PFKP: variants seen among roughly 807,000 people sequenced by gnomAD.
PFKP encodes phosphofructokinase, platelet.
In PFKP, 101 loss-of-function variants were observed where a neutral mutation model predicts 94.3. The observed-to-expected ratio is 1.07, with a 90% CI of 0.91 to 1.26. PFKP has a LOEUF of 1.26. PFKP is among the 50% of genes most tolerant of loss of function. PFKP has a pLI of 0.00. For missense variants in PFKP, 1,145 were observed against 1,103.3 expected (o/e 1.04, Z -0.53); for synonymous variants, 573 against 432.6 (o/e 1.32, Z -4.03).
At chr10:3,088,788 T>C (rs1006584537) in intron 2 of PFKP, among the ~76,000 whole-genome samples, 6 of 151,458 alleles carry the variant, frequency 4.0e-5, no homozygotes, top group African/African-American at 1.5e-4. Flanking sequence ...AGAAATATAG[T>C]CTTCTTCCCT....
chr10:3,135,945 T>A (rs1189495332), intron 21 of PFKP, 107 bp downstream of exon 21: 3 of 708,602 alleles, frequency 4.2e-6, no homozygotes, highest in Non-Finnish European at 7.5e-6. Flanking sequence ...TTTGAGGAAC[T>A]GGCTTTTCTG....
At chr10:3,121,665 AAC>A (rs1837419706) in intron 16 of PFKP, among the ~76,000 whole-genome samples, 1 of 151,468 alleles carries the variant, frequency 6.6e-6, no homozygotes. Flanking sequence ...GTGGGGCAAA[AAC>A]ACCCCACAAA....
chr10:3,136,333 T>C (rs41314623), intron 21 of PFKP, 117 bp from the exon 22 acceptor site: 139,296 of 1,005,670 alleles, frequency 0.14, 10,123 homozygotes, highest in Non-Finnish European at 0.15. Context: ...ATCTAGTTGA[T>C]TCAGCCGACC....
intron 20 of PFKP, 115 bp from the exon 21 acceptor site, chr10:3,135,621 G>A: frequency 1.5e-6 from 1 of 657,228 alleles, no homozygotes; most frequent in African/African-American, 1.8e-5. Context: ...TGGGCTTCCA[G>A]GCCGGGTTCA....
rs577507303 is a variant in PFKP, at chr10:3,103,012, C to T, written c.455-767C>T. ...TCCGATTCCCTTTATGCAGAACTGC[C>T]CAGCCCAGGTCTGTCCTGAGTGCGA... is the stretch of plus-strand genomic sequence containing the variant. On this transcript the variant is annotated intron_variant, in intron 4 of 21. Coordinates refer to ENST00000381125, the MANE Select transcript of PFKP (RefSeq NM_002627.5). Among the ~76,000 whole-genome samples the T allele has an allele frequency of 6.6e-5, 10 of 152,324 alleles. No individual in the cohort carries two copies. In the East Asian group the frequency reaches 1.9e-3, roughly 29 times the overall value.
At chr10:3,101,137 C>T in intron 3 of PFKP, 1 of 789,672 alleles carries the variant, frequency 1.3e-6, no homozygotes, top group Non-Finnish European at 2.1e-6. Flanking sequence ...GGCTCTGCAC[C>T]CTCCCTGGCT....
intron 19 of PFKP, 86 bp from the exon 20 acceptor site, chr10:3,134,397 T>C: frequency 1.2e-6 from 1 of 825,682 alleles, no homozygotes. Flanking sequence ...AAAACATGAA[T>C]TCTGCAAAAT....
intron 13 of PFKP, among the ~76,000 whole-genome samples, chr10:3,114,692 G>T (rs1378116725): frequency 1.3e-5 from 2 of 152,194 alleles, no homozygotes; most frequent in Non-Finnish European, 2.9e-5. Context: ...GGCCCTCAGG[G>T]GACACTCATC....
intron 16 of PFKP, among the ~76,000 whole-genome samples, chr10:3,123,526 C>T (rs1233578454): frequency 6.6e-6 from 1 of 152,168 alleles, no homozygotes; most frequent in Non-Finnish European, 1.5e-5. Context: ...CCGAGACCCC[C>T]ACCTGCCCTC....
At chr10:3,074,362 A>T (rs2131380974) in intron 1 of PFKP, among the ~76,000 whole-genome samples, 1 of 152,288 alleles carries the variant, frequency 6.6e-6, no homozygotes, top group South Asian at 2.1e-4. Context: ...CTGACCTGAC[A>T]GTGAGGGAGG....
At chr10:3,074,271 C>A (rs556271608) in intron 1 of PFKP, among the ~76,000 whole-genome samples, 1 of 152,316 alleles carries the variant, frequency 6.6e-6, no homozygotes, top group African/African-American at 2.4e-5. Flanking sequence ...GCGGGTACGA[C>A]GTGCCTGTAG....
intron 2 of PFKP, among the ~76,000 whole-genome samples, chr10:3,099,020 T>C (rs1250197538): frequency 6.6e-6 from 1 of 152,124 alleles, no homozygotes; most frequent in African/African-American, 2.4e-5. Context: ...CGCTGGGCCA[T>C]AGGAGAATGG....
rs369866022 is a variant in PFKP at position 3,135,771 on chromosome 10, C to T, written c.2158C>T (p.Leu720=). The T allele has an allele frequency of 1.4e-4, 218 of 1,612,928 alleles. No homozygotes were observed. The highest frequency in any genetic ancestry group is 1.0e-3 in the Admixed American group (60 of 59,958). Residue 720 remains leucine (L), a synonymous_variant, in exon 21 of 22, where the codon CTG becomes TTG. Coordinates refer to ENST00000381125, the MANE Select transcript of PFKP (RefSeq NM_002627.5). ...KFTTDDSICV[L]GISKRNVIFQ... is the part of the protein sequence containing the mutation. Reference sequence around the variant, plus strand: ...TACCACCGATGATTCCATTTGTGTGCTGGGAATAAGCAAAAGAAACGTTAT... The same window carrying T: ...TACCACCGATGATTCCATTTGTGTGTTGGGAATAAGCAAAAGAAACGTTAT...
chr10:3,125,790 C>T (rs1010983019), intron 16 of PFKP, among the ~76,000 whole-genome samples: 4 of 152,196 alleles, frequency 2.6e-5, no homozygotes, highest in Admixed American at 2.0e-4. Flanking sequence ...TGCTGACACC[C>T]ACATGGTGGC....
Position 3,118,833 on chromosome 10 carries a change from C to G in PFKP, c.1494C>G (p.His498Gln), listed in dbSNP as rs780147236. The G allele has an allele frequency of 1.2e-6, 2 of 1,613,658 alleles. No homozygotes were observed. Among genetic ancestry groups the G allele is most frequent in the African/African-American group, 2.7e-5 (2 of 74,954 alleles). The change falls in exon 15 of 22, where the codon CAC becomes CAG. Residue 498 changes from histidine (H) to glutamine (Q), a missense_variant. Transcript: ENST00000381125. ...AGATCGCCACACAGATGCGCACGCA[C>G]AGCATCAACGCGCTGCTGATCATCG... is the stretch of plus-strand genomic sequence containing the variant. Reference protein sequence around the residue: ...LEEIATQMRTHSINALLIIGG... With the variant: ...LEEIATQMRTQSINALLIIGG...
rs1284542353 is a variant in PFKP at position 3,136,791 on chromosome 10, C to G, written c.*212C>G. 3 of 473,506 alleles carry G rather than the reference C, an allele frequency of 6.3e-6. No individual in the cohort carries two copies. The highest frequency in any genetic ancestry group is 5.9e-5 in the African/African-American group (3 of 50,658). The allele number at this position is 473,506 out of a possible 1,614,324, so 29.3% of individuals were successfully genotyped here. A position where few individuals can be genotyped will look rare whatever the true frequency, so the allele number is the denominator to read the frequency against. ...TGAGCAGAATTAATTAAACATTTGC[C>G]TATGACTCCAACAGTCCTCTGTTTT... On this transcript the variant is annotated 3_prime_UTR_variant, in exon 22 of 22. Transcript: ENST00000381125.
intron 10 of PFKP, among the ~76,000 whole-genome samples, chr10:3,110,365 ATTTT>A (rs57980780): frequency 5.4e-5 from 5 of 92,580 alleles, no homozygotes; most frequent in African/African-American, 1.2e-4. Flanking sequence ...CGCCTGGCTA[ATTTT>A]TTTTTTTTTT....
rs148444419 is a variant in PFKP, at chr10:3,097,212, T to A, written c.187-2063T>A. Among the ~76,000 whole-genome samples the A allele has an allele frequency of 5.6e-4, 85 of 151,992 alleles. No individual in the cohort carries two copies. In the East Asian group the frequency reaches 0.015, roughly 26 times the overall value. On this transcript the variant is annotated intron_variant, in intron 2 of 21. Transcript: ENST00000381125. ...CCTACCTATTGTACTTACAATATTCTGAGGATTATGGCCTCCAAGAGTCAT... is the reference window on the plus strand; with the variant it reads ...CCTACCTATTGTACTTACAATATTCAGAGGATTATGGCCTCCAAGAGTCAT...
At chr10:3,086,459 C>T (rs1256051072) in intron 2 of PFKP, among the ~76,000 whole-genome samples, 6 of 152,210 alleles carry the variant, frequency 3.9e-5, no homozygotes, top group Admixed American at 1.3e-4. Context: ...GAGTGATTTA[C>T]CCCCTTAGGA....
Sources: allele counts gnomAD v4.1 joint callset (sites outside exome capture counted in the v4.1 genomes callset), GRCh38; gene constraint gnomAD v4.1.1; transcripts MANE v1.5; gene names NCBI Gene and HGNC (gene_info 2026-07-23, HGNC 2026-07-21).